Variants in CSGALNACT1 observed in about 807,000 individuals in gnomAD.
CSGALNACT1 encodes the protein beta4GalNAcT-1.
CSGALNACT1 carries 52 observed loss-of-function variants against 51.0 expected under a neutral mutation model. The observed-to-expected ratio is 1.02, with a 90% confidence interval of 0.82 to 1.29. The LOEUF is 1.29. CSGALNACT1 is among the 50% of genes most tolerant of loss of function. The pLI, the probability that CSGALNACT1 is intolerant of heterozygous loss-of-function variation, is 0.00. For missense variants in CSGALNACT1, 935 were observed against 679.2 expected, an observed-to-expected ratio of 1.38 and a Z score of -4.19; for synonymous variants, 341 against 254.4, an observed-to-expected ratio of 1.34 and a Z score of -3.24.
At chr8:19,670,650 CAAAA>C (rs752256046) in intron 1 of CSGALNACT1, among the ~76,000 whole-genome samples, 22,173 of 92,152 alleles carry the variant, frequency 0.24, 624 homozygotes, top group Middle Eastern at 0.38. Context: ...CTACTGAAGA[CAAAA>C]AAAAAAAAAA....
At chr8:19,589,099 T>C (rs992418066) in intron 3 of CSGALNACT1, among the ~76,000 whole-genome samples, 1 of 152,208 alleles carries the variant, frequency 6.6e-6, no homozygotes, top group African/African-American at 2.4e-5. Flanking sequence ...CTTTCCCATA[T>C]GCCATGCTAT....
intron 3 of CSGALNACT1, among the ~76,000 whole-genome samples, chr8:19,518,501 C>T (rs1023549152): frequency 6.6e-6 from 1 of 152,168 alleles, no homozygotes; most frequent in African/African-American, 2.4e-5. Context: ...CCTGATCAAA[C>T]CAATCTGTGA....
chr8:19,563,945 C>T (rs2041360877), intron 3 of CSGALNACT1, among the ~76,000 whole-genome samples: 1 of 152,060 alleles, frequency 6.6e-6, no homozygotes, highest in Admixed American at 6.6e-5. Context: ...ACACACCACG[C>T]TGCGGCTGTT....
In CSGALNACT1 at chr8:19,649,819, C is replaced by CAAAAAA. The variant is rs57549612; in HGVS notation, c.-544+32648_-544+32653dup. On this transcript the variant is annotated intron_variant, in intron 1 of 9. Transcript: ENST00000332246. ...AAGAAATTAAATGCATTCCAAGTAG[C>CAAAAAA]AAAAAAAAAAAAAAAAAAAAAAAAA... is the stretch of plus-strand genomic sequence containing the variant. Among the ~76,000 whole-genome samples, 276 of 29,412 alleles carry CAAAAAA rather than the reference C, an allele frequency of 9.4e-3. 54 individuals are homozygous for CAAAAAA. The highest frequency in any genetic ancestry group is 0.012 in the African/African-American group (96 of 7,840). The allele number at this position is 29,412 out of a possible 152,430, so 19.3% of individuals were successfully genotyped here.
At chr8:19,424,250 G>A (rs1554519952) in intron 6 of CSGALNACT1, among the ~76,000 whole-genome samples, 1 of 152,150 alleles carries the variant, frequency 6.6e-6, no homozygotes, top group Non-Finnish European at 1.5e-5. Context: ...ACTGGAGAAG[G>A]CCCAGAGTGC....
chr8:19,593,989 A>G (rs1422065834), intron 2 of CSGALNACT1, among the ~76,000 whole-genome samples: 3 of 152,152 alleles, frequency 2.0e-5, no homozygotes, highest in Non-Finnish European at 2.9e-5. Flanking sequence ...GAATATCAGA[A>G]CTCAGCTGGG....
chr8:19,515,670 A>G (rs909809605), intron 3 of CSGALNACT1, among the ~76,000 whole-genome samples: 9 of 152,230 alleles, frequency 5.9e-5, no homozygotes, highest in African/African-American at 2.2e-4. Context: ...AAGCACACTG[A>G]TCACAACCAC....
chr8:19,581,382 A>G (rs546748479), intron 3 of CSGALNACT1, among the ~76,000 whole-genome samples: 2 of 152,368 alleles, frequency 1.3e-5, no homozygotes, highest in East Asian at 3.9e-4. Flanking sequence ...AACTAAGGAT[A>G]AAGTTCAAAT....
chr8:19,657,898 T>C (rs1450444630), intron 1 of CSGALNACT1, among the ~76,000 whole-genome samples: 1 of 151,984 alleles, frequency 6.6e-6, no homozygotes, highest in African/African-American at 2.4e-5. Flanking sequence ...TTCCAGGCCA[T>C]TGTTAGATGG....
intron 1 of CSGALNACT1, among the ~76,000 whole-genome samples, chr8:19,665,964 C>T (rs2059147197): frequency 6.6e-6 from 1 of 152,128 alleles, no homozygotes. Flanking sequence ...TTTTCTCCAT[C>T]TTTTTTCTAG....
intron 5 of CSGALNACT1, among the ~76,000 whole-genome samples, chr8:19,448,843 A>G (rs2062596055): frequency 6.6e-6 from 1 of 152,208 alleles, no homozygotes; most frequent in Non-Finnish European, 1.5e-5. Flanking sequence ...CATGTAAAAG[A>G]CCTGATGTTC....
At chr8:19,548,405 T>C (rs1404269449) in intron 3 of CSGALNACT1, among the ~76,000 whole-genome samples, 2 of 152,058 alleles carry the variant, frequency 1.3e-5, no homozygotes, top group South Asian at 4.1e-4. Flanking sequence ...GACTAAAAAA[T>C]AGATTATTTT....
Position 19,461,562 on chromosome 8 carries a change from G to A in CSGALNACT1, c.635-2920C>T, listed in dbSNP as rs796896678. Among the ~76,000 whole-genome samples, 26 of 69,720 alleles carry A rather than the reference G, an allele frequency of 3.7e-4. No individual in the cohort carries two copies. The East Asian group carries it at 4.1e-3, about 11-fold the overall frequency. The allele number at this position is 69,720 out of a possible 152,430, so 45.7% of individuals were successfully genotyped here. On this transcript the variant is annotated intron_variant, in intron 4 of 9. Transcript: ENST00000454498. ...CACATTCACCATGGGGGGCGTATCC[G>A]CACAGCGGCCACATTCACCATGGGG...
intron 1 of CSGALNACT1, among the ~76,000 whole-genome samples, chr8:19,675,727 C>T (rs962654541): frequency 1.3e-5 from 2 of 152,088 alleles, no homozygotes; most frequent in Admixed American, 6.6e-5. Flanking sequence ...CTCCTAACCT[C>T]GTGATCCACC....
chr8:19,531,007 G>C (rs2082669415), intron 3 of CSGALNACT1, among the ~76,000 whole-genome samples: 2 of 152,164 alleles, frequency 1.3e-5, no homozygotes, highest in Non-Finnish European at 2.9e-5. Context: ...CTTCAAGCCT[G>C]ACACTTCAAG....
chr8:19,729,263 C>G (rs2063561400), intron 1 of CSGALNACT1, among the ~76,000 whole-genome samples: 2 of 152,166 alleles, frequency 1.3e-5, no homozygotes, highest in African/African-American at 2.4e-5. Context: ...TCAGCTCACT[C>G]TAATACTTGC....
At chr8:19,521,581 G>T (rs112684945) in intron 3 of CSGALNACT1, among the ~76,000 whole-genome samples, 20 of 152,284 alleles carry the variant, frequency 1.3e-4, no homozygotes, top group African/African-American at 4.3e-4. Context: ...TATTCAGGAG[G>T]CTGAGGCAGG....
At chr8:19,429,926 T>C (rs1464964713) in intron 6 of CSGALNACT1, among the ~76,000 whole-genome samples, 2 of 152,238 alleles carry the variant, frequency 1.3e-5, no homozygotes, top group Non-Finnish European at 2.9e-5. Flanking sequence ...CCGGTGAGTG[T>C]AGTTTGCATT....
intron 3 of CSGALNACT1, among the ~76,000 whole-genome samples, chr8:19,578,401 T>C (rs897734381): frequency 1.3e-5 from 2 of 152,218 alleles, no homozygotes; most frequent in Non-Finnish European, 2.9e-5. Context: ...GTGATCCTGC[T>C]GCCTGGAGGA....
Sources: allele counts gnomAD v4.1 joint callset (sites outside exome capture counted in the v4.1 genomes callset), GRCh38; gene constraint gnomAD v4.1.1; transcripts MANE v1.5; gene names NCBI Gene and HGNC (gene_info 2026-07-23, HGNC 2026-07-21).